Variants in DNAH7 observed in about 807,000 individuals in gnomAD.
DNAH7 encodes the protein axonemal beta dynein heavy chain 7.
Under a neutral mutation model 444.6 loss-of-function variants are expected in DNAH7, and 397 were observed. The ratio of observed to expected loss-of-function variants is 0.89; its 90% CI spans 0.82 to 0.97. The LOEUF is 0.97. Among genes scored for constraint, DNAH7 ranks in the 50% least tolerant of loss-of-function variants. The pLI is 0.00. For missense variants in DNAH7, 4,902 were observed against 4,800.8 expected (o/e 1.02, Z -0.62); for synonymous variants, 1,636 against 1,624.4 (o/e 1.01, Z -0.17).
intron 58 of DNAH7, among the ~76,000 whole-genome samples, chr2:195,785,539 GT>G (rs1218260468): frequency 7.4e-6 from 1 of 135,922 alleles, no homozygotes; most frequent in East Asian, 2.1e-4. Flanking sequence ...TTGTATGTTT[GT>G]TTAATCAAGT....
intron 27 of DNAH7, chr2:195,903,316 C>T (rs1238396846): frequency 6.6e-6 from 1 of 152,036 alleles, no homozygotes; most frequent in Non-Finnish European, 1.5e-5. Flanking sequence ...ATATTTTGAT[C>T]TGTTCAGGAA....
chr2:195,775,659 A>C (rs1179940339), intron 60 of DNAH7, among the ~76,000 whole-genome samples, 187 bp downstream of exon 60: 2 of 152,150 alleles, frequency 1.3e-5, no homozygotes, highest in East Asian at 3.8e-4. Flanking sequence ...AAAAAAAAAA[A>C]AAAACACACG....
At chr2:195,808,063 C>T (rs898016899) in intron 53 of DNAH7, among the ~76,000 whole-genome samples, 3 of 151,998 alleles carry the variant, frequency 2.0e-5, no homozygotes, top group Non-Finnish European at 4.4e-5. Flanking sequence ...ATTAAACTCA[C>T]AGAAAGCAGG....
At chr2:195,969,272 T>C (rs1352142643) in intron 17 of DNAH7, among the ~76,000 whole-genome samples, 1 of 152,232 alleles carries the variant, frequency 6.6e-6, no homozygotes, top group East Asian at 1.9e-4. Flanking sequence ...TCTCCACGTA[T>C]GTTGACATAT....
intron 30 of DNAH7, chr2:195,893,119 G>T (rs932265644): frequency 2.0e-5 from 3 of 149,694 alleles, no homozygotes; most frequent in African/African-American, 4.9e-5. Context: ...AATTTTTTGT[G>T]TTTTTTTTTA....
chr2:196,052,697 G>C (rs771596918), intron 2 of DNAH7, among the ~76,000 whole-genome samples: 4 of 152,168 alleles, frequency 2.6e-5, no homozygotes, highest in Non-Finnish European at 5.9e-5. Context: ...CTTCCATCTA[G>C]GACAGGATGT....
In DNAH7 at chr2:195,814,177, G is replaced by A. The variant is rs942310409; in HGVS notation, c.9761+2451C>T. ...GGGCAAATACTTCTGATTTCTGCAC[G>A]TTTCTTCATGTGTATTGATAACTTC... On this transcript the variant is annotated intron_variant, in intron 51 of 64. Coordinates refer to ENST00000312428, the MANE Select transcript of DNAH7 (RefSeq NM_018897.3). Among the ~76,000 whole-genome samples, 8 of 152,086 alleles carry A rather than the reference G, an allele frequency of 5.3e-5. No homozygotes were observed. In the East Asian group the frequency reaches 5.8e-4, roughly 11 times the overall value.
At chr2:195,930,987 T>G (rs1688654087) in intron 21 of DNAH7, among the ~76,000 whole-genome samples, 1 of 151,944 alleles carries the variant, frequency 6.6e-6, no homozygotes, top group Admixed American at 6.6e-5. Context: ...TAGGTACTCA[T>G]GGTCACAGAT....
At chr2:196,046,427 T>C (rs1364538005) in intron 5 of DNAH7, among the ~76,000 whole-genome samples, 1 of 151,562 alleles carries the variant, frequency 6.6e-6, no homozygotes, top group African/African-American at 2.4e-5. Context: ...GGGCTCCAGG[T>C]AGAAAAAAAA....
At chr2:195,963,570 A>G (rs894317844) in intron 17 of DNAH7, among the ~76,000 whole-genome samples, 1 of 152,060 alleles carries the variant, frequency 6.6e-6, no homozygotes, top group African/African-American at 2.4e-5. Context: ...TTGTCTCTTC[A>G]TGTTGTTTAT....
Position 195,864,796 on chromosome 2 carries a change from C to T in DNAH7, c.6859G>A (p.Ala2287Thr), listed in dbSNP as rs778594893. 4.6e-5 allele frequency: 74 copies of T among 1,614,040 alleles called. No homozygotes were observed. The highest frequency in any genetic ancestry group is 8.0e-5 in the African/African-American group (6 of 74,920). ...KREDTNYREI[A>T]DVDNLRMIVE... ...ATCATTCGAAGATTATCCACATCTG[C>T]GATTTCTCTGTAGTTGGTATCCTCC... The change falls in exon 41 of 65, where the codon GCA (alanine) becomes ACA (threonine). Residue 2287 changes from alanine to threonine, a missense_variant. By Grantham distance (58) the Ala-to-Thr change is moderately conservative. Transcript: ENST00000312428.
intron 1 of DNAH7, among the ~76,000 whole-genome samples, chr2:196,066,478 A>G (rs1222045935): frequency 6.6e-6 from 1 of 152,216 alleles, no homozygotes; most frequent in Non-Finnish European, 1.5e-5. Context: ...AAAGACTGAC[A>G]GCTTTTTCCT....
rs1056750055 is a variant in DNAH7, at chr2:195,881,891, T to C, written c.5865A>G (p.Thr1955=). The C allele has an allele frequency of 9.3e-6, 15 of 1,614,032 alleles. No homozygotes were observed. Among genetic ancestry groups the C allele is most frequent in the Non-Finnish European group, 1.3e-5 (15 of 1,179,926 alleles). Residue 1955 remains threonine, a synonymous_variant, in exon 36 of 65, where the codon ACA becomes ACG. Coordinates refer to ENST00000312428, the MANE Select transcript of DNAH7 (RefSeq NM_018897.3). ...ATTCCATTAATGCAGAGTATCGAAT[T>C]GTGTCCAGAGTTGGCACAATGATTT... ...FNEIIVPTLD[T]IRYSALMELL...
chr2:195,792,853 A>G (rs547717665), intron 57 of DNAH7, among the ~76,000 whole-genome samples: 17 of 152,162 alleles, frequency 1.1e-4, no homozygotes, highest in Non-Finnish European at 2.1e-4. Flanking sequence ...ACAAATAATA[A>G]AGCAAAAGGA....
intron 23 of DNAH7, among the ~76,000 whole-genome samples, chr2:195,922,521 C>T (rs1365924963): frequency 6.6e-6 from 1 of 152,064 alleles, no homozygotes; most frequent in African/African-American, 2.4e-5. Flanking sequence ...AAGTAACTTC[C>T]CCAAGGTTAT....
At chr2:195,740,597 GTGTGTGTGTGTGTGTGTGTATA>G (rs1343567798) in intron 64 of DNAH7, among the ~76,000 whole-genome samples, 147 bp downstream of exon 64, 1 of 11,834 alleles carries the variant, frequency 8.5e-5, no homozygotes, top group South Asian at 0.011. Context: ...GTGTGTGTGT[GTGTGTGTGTGTGTGTGTGTATA>G]TATATATATA....
intron 10 of DNAH7, among the ~76,000 whole-genome samples, chr2:196,011,248 C>T (rs1301273390): frequency 6.6e-6 from 1 of 151,962 alleles, no homozygotes; most frequent in Non-Finnish European, 1.5e-5. Context: ...TGTATGAATG[C>T]ATCAAAATAT....
rs777348558 is a variant in DNAH7, at chr2:195,864,922, A to G, written c.6733T>C (p.Phe2245Leu). Residue 2245 changes from phenylalanine (F) to leucine (L), a missense_variant, in exon 41 of 65, where the codon TTT (phenylalanine) becomes CTT (leucine). Physicochemically the swap from Phe to Leu is conservative, Grantham distance 22 (BLOSUM62 0). Transcript: ENST00000312428. ...TCCAAACGCTGAAAAAGCTCATGAA[A>G]ATCTTCATACATGTAGTTTCTCAAA... Reference protein sequence around the residue: ...EILRNYMYEDFHELFQRLDFD... With the variant: ...EILRNYMYEDLHELFQRLDFD... 12 of 1,612,536 alleles carry G rather than the reference A, an allele frequency of 7.4e-6. No homozygotes were observed. The Admixed American group carries it at 1.5e-4, about 20-fold the overall frequency.
Position 195,864,771 on chromosome 2 carries a change from A to G in DNAH7, c.6884T>C (p.Ile2295Thr), listed in dbSNP as rs1700224789. 13 of 1,614,116 alleles carry G rather than the reference A, an allele frequency of 8.1e-6. No homozygotes were observed. Among genetic ancestry groups the G allele is most frequent in the Non-Finnish European group, 1.1e-5 (13 of 1,180,038 alleles). The change falls in exon 41 of 65, where the codon ATA (isoleucine) becomes ACA (threonine). Residue 2295 changes from isoleucine (I) to threonine (T), a missense_variant. Physicochemically the swap from Ile to Thr is moderately conservative, Grantham distance 89. Coordinates refer to ENST00000312428, the MANE Select transcript of DNAH7 (RefSeq NM_018897.3). ...GTATTCTTCTAGGTGAATTTCTACT[A>G]TCATTCGAAGATTATCCACATCTGC... is the stretch of plus-strand genomic sequence containing the variant. The part of the protein sequence containing the change: ...EIADVDNLRM[I>T]VEIHLEEYNN...
Sources: gnomAD v4.1 joint callset for allele counts (sites outside exome capture counted in the v4.1 genomes callset) on GRCh38, gnomAD v4.1.1 for gene constraint, MANE v1.5 for transcripts, NCBI Gene and HGNC (gene_info 2026-07-23, HGNC 2026-07-21) for gene names.